Variants in ANKS1B observed in about 807,000 individuals in gnomAD.
ANKS1B encodes the protein ankyrin repeat and sterile alpha motif domain containing 1B, also known as ankyrin repeat and sterile alpha motif domain-containing protein 1B.
Under a neutral mutation model 148.3 loss-of-function variants are expected in ANKS1B, and 36 were observed. The ratio of observed to expected loss-of-function variants is 0.24; its 90% CI spans 0.19 to 0.32. The LOEUF (loss-of-function observed/expected upper bound fraction) is 0.32, where lower values mean the gene tolerates loss of function less well. ANKS1B is among the 10% of genes least tolerant of loss of function. The probability of loss-of-function intolerance (pLI) is 1.00; values close to 1 mark genes in which losing one functional copy is unlikely to be tolerated. For missense variants in ANKS1B, 1,157 were observed against 1,542.6 expected, an observed-to-expected ratio of 0.75 and a Z score of 4.19; for synonymous variants, 542 against 560.8, an observed-to-expected ratio of 0.97 and a Z score of 0.47.
intron 17 of ANKS1B, among the ~76,000 whole-genome samples, chr12:99,010,906 T>G (rs12227429): frequency 2.8e-4 from 42 of 149,454 alleles, no homozygotes; most frequent in East Asian, 2.5e-3. Context: ...CTTTTGTTTT[T>G]TTTTTTTTTT....
intron 8 of ANKS1B, among the ~76,000 whole-genome samples, chr12:99,764,212 A>G (rs923866492): frequency 1.3e-5 from 2 of 152,206 alleles, no homozygotes; most frequent in African/African-American, 4.8e-5. Flanking sequence ...ACACAGATTA[A>G]TATTTTCCCT....
At chr12:99,348,033 C>T (rs952377492) in intron 12 of ANKS1B, among the ~76,000 whole-genome samples, 2 of 151,772 alleles carry the variant, frequency 1.3e-5, no homozygotes, top group East Asian at 1.9e-4. Flanking sequence ...CTGAAATGTA[C>T]AAGTATAATA....
chr12:99,760,637 G>T (rs1156417087), intron 8 of ANKS1B, among the ~76,000 whole-genome samples: 1 of 150,928 alleles, frequency 6.6e-6, no homozygotes, highest in Non-Finnish European at 1.5e-5. Flanking sequence ...CACACCCAGA[G>T]GAACTAGAAA....
intron 16 of ANKS1B, among the ~76,000 whole-genome samples, chr12:99,084,473 C>T (rs1336884027): frequency 8.6e-5 from 13 of 152,044 alleles, no homozygotes; most frequent in Non-Finnish European, 1.6e-4. Flanking sequence ...TCTGGAAGGC[C>T]GAGGTGGGTG....
intron 8 of ANKS1B, among the ~76,000 whole-genome samples, chr12:99,726,090 A>G (rs1264003094): frequency 6.6e-6 from 1 of 152,206 alleles, no homozygotes; most frequent in Non-Finnish European, 1.5e-5. Context: ...TAGAGAAGCA[A>G]GAGCAAACTA....
chr12:98,981,418 A>G (rs2099910402), intron 17 of ANKS1B, among the ~76,000 whole-genome samples: 2 of 151,988 alleles, frequency 1.3e-5, no homozygotes. Context: ...TCACTGCAAC[A>G]TCCGCCTCCT....
chr12:99,949,304 G>A (rs959404421), intron 1 of ANKS1B, among the ~76,000 whole-genome samples: 11 of 152,098 alleles, frequency 7.2e-5, no homozygotes, highest in South Asian at 2.1e-4. Flanking sequence ...GTAAAACTTG[G>A]AAAGATATAC....
chr12:98,925,802 C>T (rs2099807311), intron 17 of ANKS1B, among the ~76,000 whole-genome samples: 1 of 152,130 alleles, frequency 6.6e-6, no homozygotes, highest in East Asian at 1.9e-4. Context: ...TCTGAAAGTT[C>T]CTTAAGAAAG....
intron 16 of ANKS1B, among the ~76,000 whole-genome samples, chr12:99,054,350 G>T (rs2099968181): frequency 6.6e-6 from 1 of 152,112 alleles, no homozygotes; most frequent in African/African-American, 2.4e-5. Context: ...TGATTTGCGA[G>T]CAGAGAAAAG....
chr12:99,842,743 T>A (rs530297870), intron 1 of ANKS1B, among the ~76,000 whole-genome samples: 5 of 152,268 alleles, frequency 3.3e-5, no homozygotes, highest in African/African-American at 1.2e-4. Flanking sequence ...CCCATTGCAG[T>A]GGTCCCTATA....
chr12:98,825,634 G>A (rs1199917604), intron 19 of ANKS1B, among the ~76,000 whole-genome samples: 1 of 152,002 alleles, frequency 6.6e-6, no homozygotes, highest in African/African-American at 2.4e-5. Context: ...TCTATAAATG[G>A]CTTAACTTGC....
At chr12:99,943,241 A>C (rs1157146681) in intron 1 of ANKS1B, among the ~76,000 whole-genome samples, 2 of 152,192 alleles carry the variant, frequency 1.3e-5, no homozygotes, top group African/African-American at 4.8e-5. Context: ...TCTTTGTTTA[A>C]GGCCATTTAA....
intron 2 of ANKS1B, among the ~76,000 whole-genome samples, chr12:99,820,291 T>C (rs1017891381): frequency 2.0e-5 from 3 of 151,958 alleles, no homozygotes; most frequent in African/African-American, 7.2e-5. Context: ...GTGGATTAAC[T>C]AGCATTGATA....
At chr12:99,869,803 TA>T (rs1218405794) in intron 1 of ANKS1B, among the ~76,000 whole-genome samples, 1 of 151,880 alleles carries the variant, frequency 6.6e-6, no homozygotes, top group South Asian at 2.1e-4. Context: ...TCACATCATA[TA>T]AAAAAAGAAC....
chr12:98,745,056 A>C lies in ANKS1B; in HGVS notation c.*683T>G, dbSNP rs1021334712. 1 of 985,190 alleles carries C rather than the reference A, an allele frequency of 1.0e-6. No individual in the cohort carries two copies. The highest frequency in any genetic ancestry group is 1.7e-5 in the African/African-American group (1 of 57,224). 61.0% of individuals were successfully genotyped at this position (985,190 alleles called of 1,614,324 possible). A position where few individuals can be genotyped will look rare whatever the true frequency, so the allele number is the denominator to read the frequency against. On this transcript the variant is annotated 3_prime_UTR_variant, in exon 27 of 27. Transcript: ENST00000683438. ...TCTTTTAATAAAAATATTTAATACA[A>C]GACACATTTTGCTGTGCATAATAAA...
In ANKS1B at chr12:99,688,528, G is replaced by A. The variant is rs141045705; in HGVS notation, c.1129-33318C>T. Among the ~76,000 whole-genome samples the A allele has an allele frequency of 1.6e-4, 25 of 152,146 alleles. No individual in the cohort carries two copies. The East Asian group carries it at 1.7e-3, about 11-fold the overall frequency. ...TCTTGATGAGAGACTGATCGTTTTC[G>A]GAAAATATCAATATAAAGAAAAAAG... On this transcript the variant is annotated intron_variant, in intron 8 of 26. Coordinates refer to ENST00000683438, the MANE Select transcript of ANKS1B (RefSeq NM_001352186.2).
intron 9 of ANKS1B, among the ~76,000 whole-genome samples, chr12:99,651,906 T>C (rs573806196): frequency 1.3e-5 from 2 of 151,932 alleles, no homozygotes; most frequent in East Asian, 3.9e-4. Flanking sequence ...TGTGTATGTG[T>C]GTATGTGTAT....
chr12:99,407,311 T>TTG (rs1487176375), intron 11 of ANKS1B, among the ~76,000 whole-genome samples: 1 of 145,810 alleles, frequency 6.9e-6, no homozygotes, highest in Non-Finnish European at 1.5e-5. Flanking sequence ...TGAAAAAGAA[T>TTG]TTGATAAAAT....
intron 14 of ANKS1B, among the ~76,000 whole-genome samples, chr12:99,237,337 T>C (rs2088198846): frequency 1.3e-5 from 2 of 152,118 alleles, no homozygotes; most frequent in African/African-American, 4.8e-5. Context: ...TATATGTGTG[T>C]GTATGTGTTT....
Sources: allele counts gnomAD v4.1 joint callset (sites outside exome capture counted in the v4.1 genomes callset), GRCh38; gene constraint gnomAD v4.1.1; transcripts MANE v1.5; gene names NCBI Gene and HGNC (gene_info 2026-07-23, HGNC 2026-07-21).